Variants in SLC9A9 observed in about 807,000 individuals in gnomAD.
The protein encoded by SLC9A9 is sodium/hydrogen exchanger 9.
In SLC9A9, 62 loss-of-function variants were observed where a neutral mutation model predicts 77.8. The ratio of observed to expected loss-of-function variants is 0.80; its 90% CI spans 0.65 to 0.98. The LOEUF is 0.98. Ranked by LOEUF, SLC9A9 falls within the 50% of genes least tolerant of loss-of-function variation. SLC9A9 has a pLI of 0.00. For missense variants in SLC9A9, 775 were observed against 774.9 expected (o/e 1.00, Z 0.00); for synonymous variants, 320 against 283.5 (o/e 1.13, Z -1.29).
intron 5 of SLC9A9, among the ~76,000 whole-genome samples, chr3:143,680,852 A>G (rs1216042047): frequency 6.6e-6 from 1 of 152,158 alleles, no homozygotes; most frequent in East Asian, 1.9e-4. Flanking sequence ...GACACTGACC[A>G]CGTGAACTAC....
At chr3:143,837,526 A>G (rs184606580) in intron 1 of SLC9A9, among the ~76,000 whole-genome samples, 5 of 152,172 alleles carry the variant, frequency 3.3e-5, no homozygotes, top group Non-Finnish European at 2.9e-5. Context: ...GCCTCAAACC[A>G]TGTAATATTA....
At chr3:143,655,681 T>C (rs1259917394) in intron 5 of SLC9A9, 2 of 627,182 alleles carry the variant, frequency 3.2e-6, no homozygotes, top group Non-Finnish European at 3.9e-6. Context: ...CATGCACATG[T>C]ACACACACAC....
At position 143,848,367 on chromosome 3, in the gene SLC9A9, G is replaced by A; in HGVS notation, c.-45C>T. Reference sequence around the variant, plus strand: ...TCCTTAGATAAAAACCTGGATAAAGGCTATTTTATCAAGATTTGCCTAAGA... The same window carrying A: ...TCCTTAGATAAAAACCTGGATAAAGACTATTTTATCAAGATTTGCCTAAGA... On this transcript the variant is annotated 5_prime_UTR_variant, in exon 1 of 16. Transcript: ENST00000316549. 6.2e-7 allele frequency: 1 copy of A among 1,612,104 alleles called. No homozygotes were observed. Among genetic ancestry groups the A allele is most frequent in the Non-Finnish European group, 8.5e-7 (1 of 1,178,516 alleles).
At chr3:143,767,479 G>A (rs191710741) in intron 4 of SLC9A9, among the ~76,000 whole-genome samples, 42 of 151,316 alleles carry the variant, frequency 2.8e-4, no homozygotes, top group African/African-American at 9.2e-4. Flanking sequence ...ATAGTTCCAC[G>A]GACAAATGTC....
Position 143,370,567 on chromosome 3 carries a change from G to GCGCA in SLC9A9, c.1525-7005_1525-7004insTGCG, listed in dbSNP as rs373398536. Among the ~76,000 whole-genome samples, 1,284 of 143,394 alleles carry GCGCA rather than the reference G, an allele frequency of 9.0e-3. 22 individuals are homozygous for GCGCA. The highest frequency in any genetic ancestry group is 0.029 in the African/African-American group (1,129 of 38,776). 94.1% of individuals were successfully genotyped at this position (143,394 alleles called of 152,430 possible). A position where few individuals can be genotyped will look rare whatever the true frequency, so the allele number is the denominator to read the frequency against. ...TGTACACAAGTATATGCATGTGCGCGCACACACACACACACACACACACAC... is the reference window on the plus strand; with the variant it reads ...TGTACACAAGTATATGCATGTGCGCGCGCACACACACACACACACACACACACAC... On this transcript the variant is annotated intron_variant, in intron 13 of 15. Coordinates refer to ENST00000316549, the MANE Select transcript of SLC9A9 (RefSeq NM_173653.4).
At chr3:143,788,308 T>C (rs1560079492) in intron 4 of SLC9A9, among the ~76,000 whole-genome samples, 1 of 152,174 alleles carries the variant, frequency 6.6e-6, no homozygotes, top group Non-Finnish European at 1.5e-5. Context: ...AGGGGAGGAC[T>C]TATTAACAAA....
rs540674708 is a variant in SLC9A9 at position 143,368,541 on chromosome 3, G to A, written c.1525-4978C>T. On this transcript the variant is annotated intron_variant, in intron 13 of 15. Transcript: ENST00000316549. ...TCAGTGGATTAAGTGAGAGAGGGAG[G>A]ATTTTCCTTTCTATTTCTCAAGATT... Among the ~76,000 whole-genome samples the A allele has an allele frequency of 2.6e-5, 4 of 152,238 alleles. No homozygotes were observed. The South Asian group carries it at 8.3e-4, about 32-fold the overall frequency.
intron 2 of SLC9A9, among the ~76,000 whole-genome samples, chr3:143,797,486 T>C (rs1576733251): frequency 6.6e-6 from 1 of 152,322 alleles, no homozygotes; most frequent in East Asian, 1.9e-4. Flanking sequence ...ATATCCCCTG[T>C]GACCTGCATG....
At chr3:143,636,373 C>T (rs2038520444) in intron 6 of SLC9A9, among the ~76,000 whole-genome samples, 1 of 152,170 alleles carries the variant, frequency 6.6e-6, no homozygotes, top group Non-Finnish European at 1.5e-5. Context: ...TTTCCGATTT[C>T]TCTAATATTT....
At chr3:143,541,732 G>A (rs539963222) in intron 9 of SLC9A9, among the ~76,000 whole-genome samples, 2 of 152,184 alleles carry the variant, frequency 1.3e-5, no homozygotes, top group East Asian at 3.9e-4. Flanking sequence ...ATAAAATTCT[G>A]GGTTCAAAAG....
At chr3:143,506,146 C>A (rs575803380) in intron 9 of SLC9A9, among the ~76,000 whole-genome samples, 18 of 152,270 alleles carry the variant, frequency 1.2e-4, no homozygotes, top group African/African-American at 4.3e-4. Flanking sequence ...ATAGATTGAC[C>A]TTAGATCCAT....
intron 11 of SLC9A9, among the ~76,000 whole-genome samples, chr3:143,475,246 C>T (rs370285061): frequency 1.1e-4 from 16 of 151,450 alleles, no homozygotes; most frequent in South Asian, 6.3e-4. Context: ...GGATTACAGG[C>T]GTGAGCCACT....
intron 6 of SLC9A9, among the ~76,000 whole-genome samples, chr3:143,649,918 T>G (rs2038769311): frequency 6.6e-6 from 1 of 151,542 alleles, no homozygotes; most frequent in South Asian, 2.1e-4. Flanking sequence ...TCATTTGTTC[T>G]TCTAAGACAC....
chr3:143,548,705 T>C (rs976008616), intron 9 of SLC9A9, among the ~76,000 whole-genome samples: 3 of 152,196 alleles, frequency 2.0e-5, no homozygotes, highest in African/African-American at 7.2e-5. Context: ...TGTGTTTTCA[T>C]AGGTTGAAGC....
At chr3:143,688,112 TTCTC>T (rs946925084) in intron 5 of SLC9A9, among the ~76,000 whole-genome samples, 8 of 151,036 alleles carry the variant, frequency 5.3e-5, no homozygotes, top group Admixed American at 1.3e-4. Context: ...CCTTTCTTTC[TTCTC>T]TCTCTCTCTC....
At chr3:143,800,263 C>G (rs1314762856) in intron 2 of SLC9A9, among the ~76,000 whole-genome samples, 2 of 152,130 alleles carry the variant, frequency 1.3e-5, no homozygotes, top group Non-Finnish European at 2.9e-5. Context: ...CCTTACCCTG[C>G]TCAATGCCAA....
intron 5 of SLC9A9, among the ~76,000 whole-genome samples, chr3:143,678,989 G>A (rs143861813): frequency 0.011 from 1,646 of 151,898 alleles, 15 homozygotes; most frequent in Non-Finnish European, 0.017. Context: ...AAATCCCCAG[G>A]GAGAAGGAGC....
chr3:143,624,817 T>C (rs2038289290), intron 6 of SLC9A9, among the ~76,000 whole-genome samples: 1 of 152,090 alleles, frequency 6.6e-6, no homozygotes, highest in Admixed American at 6.6e-5. Flanking sequence ...GAAGAGGAAA[T>C]CAAATTGTCC....
chr3:143,717,167 A>T (rs930059222), intron 4 of SLC9A9, among the ~76,000 whole-genome samples: 2 of 152,222 alleles, frequency 1.3e-5, no homozygotes, highest in Non-Finnish European at 2.9e-5. Flanking sequence ...CATGATGTGC[A>T]TATCAATCAT....
Sources: allele counts gnomAD v4.1 joint callset (sites outside exome capture counted in the v4.1 genomes callset), GRCh38; gene constraint gnomAD v4.1.1; transcripts MANE v1.5; gene names NCBI Gene and HGNC (gene_info 2026-07-23, HGNC 2026-07-21).